The following SLC11A2 variants were observed in gnomAD, a reference collection of about 807,000 sequenced individuals.
SLC11A2 encodes solute carrier family 11 member 2, also known as natural resistance-associated macrophage protein 2.
Under a neutral mutation model 68.0 loss-of-function variants are expected in SLC11A2, and 38 were observed. That is an observed-to-expected ratio of 0.56 (90% CI 0.43 to 0.73). The LOEUF (loss-of-function observed/expected upper bound fraction) is 0.73, where lower values mean the gene tolerates loss of function less well. Among genes scored for constraint, SLC11A2 ranks in the 30% least tolerant of loss-of-function variants. The pLI is 0.00. For synonymous variants in SLC11A2, 242 were observed against 250.6 expected, an observed-to-expected ratio of 0.97 and a Z score of 0.32; for missense variants, 517 against 690.5, an observed-to-expected ratio of 0.75 and a Z score of 2.82.
chr12:50,970,545 GAA>G, the SLC11A2 span: 1 of 1,235,128 alleles, frequency 8.1e-7, no homozygotes, highest in Non-Finnish European at 1.1e-6. Flanking sequence ...AGAAGCTTCT[GAA>G]AACTATTTAT....
intron 5 of SLC11A2, among the ~76,000 whole-genome samples, chr12:51,003,558 A>T (rs11169661): frequency 6.7e-6 from 1 of 150,318 alleles, no homozygotes; most frequent in Non-Finnish European, 1.5e-5. Context: ...TCTCAAAAAA[A>T]AAAACAAAAC....
At chr12:50,999,529 G>A in intron 6 of SLC11A2, 114 bp from the exon 7 acceptor site, 6 of 849,616 alleles carry the variant, frequency 7.1e-6, no homozygotes, top group Non-Finnish European at 1.2e-5. Context: ...GCTAGGACTT[G>A]AGGGAGGAGG....
At chr12:50,977,717 G>C (rs914570169), downstream of SLC11A2, among the ~76,000 whole-genome samples, 1 of 152,046 alleles carries the variant, frequency 6.6e-6, no homozygotes, top group Admixed American at 6.6e-5. Context: ...GCAACCTACA[G>C]AATGGGAGAA....
intron 5 of SLC11A2, among the ~76,000 whole-genome samples, chr12:51,002,638 C>CAAAAAAAAAAAAAAAA (rs755823057): frequency 2.8e-5 from 2 of 71,774 alleles, no homozygotes; most frequent in Non-Finnish European, 5.0e-5. Context: ...GACTTGGTCT[C>CAAAAAAAAAAAAAAAA]AAAAAAAAAA....
intron 15 of SLC11A2, among the ~76,000 whole-genome samples, chr12:50,989,938 T>A (rs1940977349): frequency 6.6e-6 from 1 of 152,190 alleles, no homozygotes; most frequent in Admixed American, 6.5e-5. Flanking sequence ...AAGAAACCTG[T>A]ATAGAACAGG....
chr12:50,961,814 T>C, the SLC11A2 span, among the ~76,000 whole-genome samples: 2 of 152,164 alleles, frequency 1.3e-5, no homozygotes, highest in East Asian at 1.9e-4. Context: ...CTGCGTAGGA[T>C]GGAAATTACA....
intron 1 of SLC11A2, among the ~76,000 whole-genome samples, chr12:51,018,970 C>A (rs184702266): frequency 6.6e-6 from 1 of 151,760 alleles, no homozygotes; most frequent in African/African-American, 2.4e-5. Flanking sequence ...TCATCACCTT[C>A]CTCATCTCAA....
At chr12:50,996,209 C>T (rs1381580295) in intron 9 of SLC11A2, among the ~76,000 whole-genome samples, 1 of 152,198 alleles carries the variant, frequency 6.6e-6, no homozygotes, top group Non-Finnish European at 1.5e-5. Flanking sequence ...TTACTCCTGA[C>T]CTCCATAAGG....
downstream of SLC11A2, chr12:50,980,041 C>A (rs367704507): frequency 7.0e-6 from 3 of 426,690 alleles, no homozygotes; most frequent in South Asian, 1.6e-5. Flanking sequence ...GCCTGGGCAA[C>A]ATGGTGAAAT....
downstream of SLC11A2, among the ~76,000 whole-genome samples, chr12:50,984,458 C>T (rs1290938608): frequency 6.6e-6 from 1 of 152,194 alleles, no homozygotes; most frequent in African/African-American, 2.4e-5. Flanking sequence ...TGGTAGACTT[C>T]TTCAATACGT....
chr12:50,987,888 C>A lies in SLC11A2; in HGVS notation c.*437G>T, dbSNP rs1185488827. ...GAAAAGGTAGGTATAAGGAAAATTT[C>A]TCAGCCTTTAAAAATCCATTACATT... On this transcript the variant is annotated 3_prime_UTR_variant, in exon 16 of 16. Coordinates refer to ENST00000262052, the MANE Select transcript of SLC11A2 (RefSeq NM_000617.3). The A allele has an allele frequency of 1.6e-6, 2 of 1,270,796 alleles. No individual in the cohort carries two copies. The highest frequency in any genetic ancestry group is 5.6e-5 in the East Asian group (1 of 17,940). 78.7% of individuals were successfully genotyped at this position (1,270,796 alleles called of 1,614,324 possible).
intron 1 of SLC11A2, chr12:51,014,223 G>A (rs1002230310): frequency 2.0e-5 from 3 of 152,216 alleles, no homozygotes; most frequent in Admixed American, 6.6e-5. Context: ...TTTAGTATAC[G>A]TGCTGCCGAA....
chr12:50,964,476 T>G, the SLC11A2 span, among the ~76,000 whole-genome samples: 1 of 152,202 alleles, frequency 6.6e-6, no homozygotes, highest in East Asian at 1.9e-4. Context: ...ATATAATGCA[T>G]TCCAATTTCC....
At chr12:50,970,326 CCTTT>C in the SLC11A2 span, 4 of 683,934 alleles carry the variant, frequency 5.8e-6, no homozygotes, top group Non-Finnish European at 1.0e-5. Context: ...AGAAGGAGGG[CCTTT>C]GTTTGTTTCT....
downstream of SLC11A2, chr12:50,981,930 T>C (rs149288218): frequency 2.5e-4 from 123 of 496,842 alleles, no homozygotes; most frequent in African/African-American, 2.0e-3. Context: ...TGATTTTTAT[T>C]TCAGAAAAGA....
chr12:50,974,139 T>C, the SLC11A2 span, among the ~76,000 whole-genome samples: 1 of 151,342 alleles, frequency 6.6e-6, no homozygotes, highest in African/African-American at 2.4e-5. Context: ...ATACAGAGAA[T>C]GCCACAAAGA....
downstream of SLC11A2, among the ~76,000 whole-genome samples, chr12:50,976,292 C>A (rs1180021326): frequency 2.0e-5 from 3 of 152,210 alleles, no homozygotes; most frequent in Admixed American, 6.5e-5. Context: ...AGCTTATCCA[C>A]CTTGATCAAG....
chr12:51,000,387 C>T lies in SLC11A2; in HGVS notation c.462G>A (p.Glu154=). 2 of 1,614,096 alleles carry T rather than the reference C, an allele frequency of 1.2e-6. No individual in the cohort carries two copies. The highest frequency in any genetic ancestry group is 8.5e-7 in the Non-Finnish European group (1 of 1,179,922). Residue 154 remains glutamate, a synonymous_variant, in exon 6 of 16, where the codon GAG becomes GAA. Transcript: ENST00000262052. ...GCATGTCTGAGCCGATGATAGCCAA[C>T]TCCACCATCAGCCACAGGATGACTC... is the stretch of plus-strand genomic sequence containing the variant. ...VPRVILWLMV[E]LAIIGSDMQE...
intron 10 of SLC11A2, 60 bp from the exon 11 acceptor site, chr12:50,994,690 C>T (rs913659472): frequency 6.5e-6 from 6 of 925,652 alleles, no homozygotes; most frequent in Non-Finnish European, 1.1e-5. Context: ...CAAATAAGAG[C>T]TCTCCTACAT....
Sources: gnomAD v4.1 joint callset for allele counts (sites outside exome capture counted in the v4.1 genomes callset) on GRCh38, gnomAD v4.1.1 for gene constraint, MANE v1.5 for transcripts, NCBI Gene and HGNC (gene_info 2026-07-23, HGNC 2026-07-21) for gene names.